GRIP2: variants seen among roughly 807,000 people sequenced by gnomAD.
GRIP2 encodes glutamate receptor-interacting protein 2.
GRIP2 carries 58 observed loss-of-function variants against 108.3 expected under a neutral mutation model. That is an observed-to-expected ratio of 0.54 (90% CI 0.43 to 0.67). The LOEUF is 0.67. Among genes scored for constraint, GRIP2 ranks in the 30% least tolerant of loss-of-function variants. The pLI is 0.00. For synonymous variants in GRIP2, 586 were observed against 598.2 expected (o/e 0.98, Z 0.30); for missense variants, 1,278 against 1,430.6 (o/e 0.89, Z 1.72).
the GRIP2 span, among the ~76,000 whole-genome samples, chr3:14,568,001 G>A: frequency 1.3e-5 from 2 of 152,204 alleles, no homozygotes; most frequent in Admixed American, 1.3e-4. Context: ...CCCATGCAAA[G>A]GCCCTGGTTT....
In GRIP2 at chr3:14,489,499, A is replaced by T. The variant is rs917707440; in HGVS notation, c.*4166T>A. 6.6e-6 allele frequency: 1 copy of T among 152,474 alleles called. No individual in the cohort carries two copies. Among genetic ancestry groups the T allele is most frequent in the Non-Finnish European group, 1.5e-5 (1 of 68,042 alleles). The allele number at this position is 152,474 out of a possible 1,614,324, so 9.4% of individuals were successfully genotyped here. A position where few individuals can be genotyped will look rare whatever the true frequency, so the allele number is the denominator to read the frequency against. On this transcript the variant is annotated 3_prime_UTR_variant, in exon 24 of 24. Transcript: ENST00000621039. ...GAGGTTCCCACATGGAGGCTCACAGAGGAAGCAGCTTGCTCACTCAGGGGT... is the reference window on the plus strand; with the variant it reads ...GAGGTTCCCACATGGAGGCTCACAGTGGAAGCAGCTTGCTCACTCAGGGGT...
intron 20 of GRIP2, chr3:14,504,075 G>A (rs1693847931): frequency 4.2e-6 from 1 of 236,106 alleles, no homozygotes; most frequent in Admixed American, 5.2e-5. Flanking sequence ...GACAGGGACA[G>A]AGCTGGGGCC....
Position 14,533,923 on chromosome 3 carries a change from C to T in GRIP2, c.40+6346G>A, listed in dbSNP as rs151158860. ...CTGCAAAACAAGTCATACTACTGTG[C>T]GCAAAGAGTCAGTGGGCAGCAGGCG... On this transcript the variant is annotated intron_variant, in intron 1 of 23. Transcript: ENST00000621039. Among the ~76,000 whole-genome samples the T allele has an allele frequency of 7.7e-3, 1,169 of 152,280 alleles. 10 individuals are homozygous for T. The highest frequency in any genetic ancestry group is 0.013 in the Non-Finnish European group (867 of 68,032).
chr3:14,584,106 C>T, the GRIP2 span, among the ~76,000 whole-genome samples: 1 of 152,210 alleles, frequency 6.6e-6, no homozygotes, highest in Admixed American at 6.5e-5. Flanking sequence ...GATCAGGTCA[C>T]TTGCCCAGGT....
chr3:14,514,596 T>G (rs903438909), intron 11 of GRIP2, 118 bp from the exon 12 acceptor site: 14 of 1,010,578 alleles, frequency 1.4e-5, no homozygotes, highest in Non-Finnish European at 2.0e-5. Flanking sequence ...GTGGGAGCCC[T>G]GACTCAGTCT....
upstream of GRIP2, among the ~76,000 whole-genome samples, chr3:14,545,632 A>C (rs927794324): frequency 1.3e-5 from 2 of 152,252 alleles, no homozygotes; most frequent in Non-Finnish European, 2.9e-5. Flanking sequence ...ACAGCTGTAC[A>C]GTGGGCCTCT....
Position 14,525,897 on chromosome 3 carries a change from TGCGTCCTTG to T in GRIP2, c.66_74del (p.Lys23_Ala25del). 1 of 1,561,532 alleles carries T rather than the reference TGCGTCCTTG, an allele frequency of 6.4e-7. No homozygotes were observed. Among genetic ancestry groups the T allele is most frequent in the Non-Finnish European group, 8.7e-7 (1 of 1,152,460 alleles). ...ACGCCAGGGAAACGTCGGCCCCTCC[TGCGTCCTTG>T]CCTCCTTTGGAGTAGGGCCCATCGT... On this transcript the variant is annotated inframe_deletion, in exon 2 of 24. Coordinates refer to ENST00000621039, the MANE Select transcript of GRIP2 (RefSeq NM_001080423.4).
chr3:14,559,398 G>C (rs1261240259), upstream of GRIP2, among the ~76,000 whole-genome samples: 2 of 149,924 alleles, frequency 1.3e-5, no homozygotes, highest in Non-Finnish European at 3.0e-5. Context: ...GGTAAATTAG[G>C]AGTGCAGGTG....
At chr3:14,500,446 G>A (rs1165662316) in intron 21 of GRIP2, among the ~76,000 whole-genome samples, 1 of 152,170 alleles carries the variant, frequency 6.6e-6, no homozygotes, top group Non-Finnish European at 1.5e-5. Context: ...ATCAGAGCAA[G>A]AGAGCCAGCC....
At chr3:14,523,851 G>C (rs752406914) in intron 4 of GRIP2, 153 bp from the exon 5 acceptor site, 2 of 622,562 alleles carry the variant, frequency 3.2e-6, no homozygotes, top group East Asian at 2.8e-5. Flanking sequence ...AACAAGTGAG[G>C]CTTAGAGGGA....
chr3:14,580,231 C>A, the GRIP2 span, among the ~76,000 whole-genome samples: 1 of 152,178 alleles, frequency 6.6e-6, no homozygotes, highest in Non-Finnish European at 1.5e-5. Context: ...TCCTGGTGGC[C>A]CCAGAAGGTT....
chr3:14,496,709 C>T (rs1693613556), intron 21 of GRIP2, 149 bp from the exon 22 acceptor site: 1 of 1,079,600 alleles, frequency 9.3e-7, no homozygotes, highest in South Asian at 1.9e-5. Flanking sequence ...CTGGGTCCAA[C>T]AGCGGTGGAG....
At position 14,520,506 on chromosome 3, in the gene GRIP2, C is replaced by T. The variant is rs753468080; in HGVS notation, c.744G>A (p.Met248Ile). The T allele has an allele frequency of 3.1e-5, 50 of 1,613,860 alleles. No homozygotes were observed. The highest frequency in any genetic ancestry group is 4.2e-5 in the Non-Finnish European group (49 of 1,179,896). ...DTVANASGPL[M>I]VEIVKTPGSA... Reference sequence around the variant, plus strand: ...ACCCTGGCGTCTTGACTATTTCCACCATCAAGGGTCCCGAAGCATTAGCCA... The same window carrying T: ...ACCCTGGCGTCTTGACTATTTCCACTATCAAGGGTCCCGAAGCATTAGCCA... The change falls in exon 8 of 24, where the codon ATG becomes ATA. Residue 248 changes from methionine (M) to isoleucine (I), a missense_variant. Physicochemically the swap from Met to Ile is conservative, Grantham distance 10. Transcript: ENST00000621039.
At chr3:14,499,259 G>A (rs1368312759) in intron 21 of GRIP2, among the ~76,000 whole-genome samples, 2 of 152,184 alleles carry the variant, frequency 1.3e-5, no homozygotes, top group South Asian at 2.1e-4. Context: ...AGTGAGGAGC[G>A]ATCTCACTGA....
upstream of GRIP2, chr3:14,556,170 G>A (rs570376933): frequency 1.3e-4 from 51 of 393,662 alleles, 1 homozygote; most frequent in South Asian, 1.7e-3. Context: ...CAAAGCAGCC[G>A]GGCCTGGGGA....
At chr3:14,576,878 T>C in the GRIP2 span, among the ~76,000 whole-genome samples, 8 of 152,346 alleles carry the variant, frequency 5.3e-5, no homozygotes, top group East Asian at 1.2e-3. Context: ...GAACCATTGA[T>C]TCATCCTCTA....
Position 14,511,195 on chromosome 3 carries a change from G to C in GRIP2, c.1903C>G (p.Leu635Val). 1.2e-6 allele frequency: 2 copies of C among 1,613,948 alleles called. No individual in the cohort carries two copies. The highest frequency in any genetic ancestry group is 1.7e-6 in the Non-Finnish European group (2 of 1,179,884). Reference protein sequence around the residue: ...ILRQCEDLVKLKIRKDEDNSD... With the variant: ...ILRQCEDLVKVKIRKDEDNSD... ...TTGTCCTCGTCCTTCCGGATCTTCA[G>C]CTTCACCAGGTCCTCGCACTGCCGC... Residue 635 changes from leucine (L) to valine (V), a missense_variant, in exon 16 of 24, where the codon CTG becomes GTG. By Grantham distance (32) the Leu-to-Val change is conservative. Transcript: ENST00000621039. This position sits in a 1 kb window ranked among gnomAD's most constrained non-coding sequence, Gnocchi z 4.1.
intron 21 of GRIP2, among the ~76,000 whole-genome samples, chr3:14,502,504 AG>A (rs1158669422): frequency 8.9e-5 from 13 of 146,104 alleles, no homozygotes; most frequent in African/African-American, 3.1e-4. Context: ...AAAAAAAAAA[AG>A]AGAGAGAGAG....
chr3:14,570,244 T>G, the GRIP2 span, among the ~76,000 whole-genome samples: 3 of 152,236 alleles, frequency 2.0e-5, no homozygotes, highest in Non-Finnish European at 4.4e-5. Flanking sequence ...CACAGAGCTA[T>G]TCCTCTTTGG....
Sources: allele counts gnomAD v4.1 joint callset (sites outside exome capture counted in the v4.1 genomes callset), GRCh38; gene constraint gnomAD v4.1.1; non-coding constraint Gnocchi (gnomAD v3.1); transcripts MANE v1.5; gene names NCBI Gene and HGNC (gene_info 2026-07-23, HGNC 2026-07-21).